PDK1: variants seen among roughly 807,000 people sequenced by gnomAD.
PDK1 encodes the protein [Pyruvate dehydrogenase (acetyl-transferring)] kinase isozyme 1, mitochondrial.
A neutral mutation model predicts 54.2 loss-of-function variants in PDK1; 39 were observed. The observed-to-expected ratio is 0.72, with a 90% CI of 0.56 to 0.94. The LOEUF (loss-of-function observed/expected upper bound fraction) is 0.94, where lower values mean the gene tolerates loss of function less well. Ranked by LOEUF, PDK1 falls within the 40% of genes least tolerant of loss-of-function variation. The probability of loss-of-function intolerance (pLI) is 0.00; values close to 1 mark genes in which losing one functional copy is unlikely to be tolerated. For synonymous variants in PDK1, 221 were observed against 207.1 expected (o/e 1.07, Z -0.58); for missense variants, 552 against 566.0 (o/e 0.98, Z 0.25).
the PDK1 span, among the ~76,000 whole-genome samples, chr2:172,702,950 T>C: frequency 6.6e-6 from 1 of 152,108 alleles, no homozygotes; most frequent in Non-Finnish European, 1.5e-5. Context: ...AAAATATCAG[T>C]TCCTAATTCC....
intron 3 of PDK1, chr2:172,562,906 A>G (rs190617662): frequency 8.7e-4 from 867 of 996,152 alleles, no homozygotes; most frequent in Non-Finnish European, 1.0e-3. Context: ...CTGAGAGTGT[A>G]ATGACCATCT....
chr2:172,565,133 C>A, intron 5 of PDK1, 60 bp downstream of exon 5: 1 of 1,000,418 alleles, frequency 1.0e-6, no homozygotes. Context: ...ATTGTTATTT[C>A]TTACTATTAA....
In PDK1 at chr2:172,596,230, G is replaced by C. The variant is rs1690885427; in HGVS notation, c.*261G>C. On this transcript the variant is annotated 3_prime_UTR_variant, in exon 11 of 11. Coordinates refer to ENST00000282077, the MANE Select transcript of PDK1 (RefSeq NM_002610.5). ...GTTTTGGGCAACTTTTCACTTTGTG[G>C]TAGACTTCAGAAGTGTGGAAATCTT... 1 of 283,454 alleles carries C rather than the reference G, an allele frequency of 3.5e-6. No individual in the cohort carries two copies. The highest frequency in any genetic ancestry group is 6.6e-6 in the Non-Finnish European group (1 of 151,208). 17.6% of individuals were successfully genotyped at this position (283,454 alleles called of 1,614,324 possible). A position where few individuals can be genotyped will look rare whatever the true frequency, so the allele number is the denominator to read the frequency against.
At chr2:172,568,256 A>C (rs1321657205) in intron 6 of PDK1, among the ~76,000 whole-genome samples, 1 of 149,370 alleles carries the variant, frequency 6.7e-6, no homozygotes, top group African/African-American at 2.5e-5. Context: ...TGAACCTGGG[A>C]AGTGGAGGTT....
intron 8 of PDK1, among the ~76,000 whole-genome samples, chr2:172,572,452 C>T (rs1451103967): frequency 2.0e-5 from 3 of 152,204 alleles, no homozygotes; most frequent in African/African-American, 7.2e-5. Flanking sequence ...CCGTCAGGCA[C>T]AGCAGCTCAT....
intron 8 of PDK1, among the ~76,000 whole-genome samples, chr2:172,579,525 CTTT>C (rs10660737): frequency 3.3e-5 from 4 of 122,548 alleles, no homozygotes; most frequent in Non-Finnish European, 6.7e-5. Flanking sequence ...CCCGCTCTTT[CTTT>C]TTTTTTTTTT....
At chr2:172,590,557 G>A (rs895037846) in intron 9 of PDK1, among the ~76,000 whole-genome samples, 1 of 152,144 alleles carries the variant, frequency 6.6e-6, no homozygotes, top group East Asian at 1.9e-4. Flanking sequence ...TCATGGTCTC[G>A]CTGACTTCAG....
the PDK1 span, among the ~76,000 whole-genome samples, chr2:172,693,954 C>T: frequency 2.0e-3 from 312 of 152,330 alleles, 4 homozygotes; most frequent in Non-Finnish European, 3.4e-3. Flanking sequence ...GTGCTCTCCC[C>T]AGCAAGCCTC....
the PDK1 span, among the ~76,000 whole-genome samples, chr2:172,693,385 T>C: frequency 6.6e-6 from 1 of 152,210 alleles, no homozygotes; most frequent in African/African-American, 2.4e-5. Context: ...GGCTTTGCCA[T>C]TTACTGGGGG....
chr2:172,660,241 C>CTTTT, the PDK1 span, among the ~76,000 whole-genome samples: 1 of 46,100 alleles, frequency 2.2e-5, no homozygotes, highest in African/African-American at 7.4e-5. Context: ...TTCTCTCTCT[C>CTTTT]TCTCTCTTTT....
At chr2:172,592,403 CTT>C (rs1459112796) in intron 9 of PDK1, among the ~76,000 whole-genome samples, 1 of 151,986 alleles carries the variant, frequency 6.6e-6, no homozygotes, top group Non-Finnish European at 1.5e-5. Flanking sequence ...CTGACTCCCT[CTT>C]TGTCCCTGTC....
the PDK1 span, among the ~76,000 whole-genome samples, chr2:172,622,365 A>C: frequency 2.1e-5 from 3 of 140,940 alleles, no homozygotes; most frequent in Admixed American, 7.4e-5. Flanking sequence ...ATATGTTTAT[A>C]TCATATATTA....
At chr2:172,706,325 G>T in the PDK1 span, among the ~76,000 whole-genome samples, 1 of 150,330 alleles carries the variant, frequency 6.7e-6, no homozygotes, top group East Asian at 1.9e-4. Flanking sequence ...GTTTGTAATT[G>T]CTTATTGTAA....
chr2:172,677,896 C>T, the PDK1 span, among the ~76,000 whole-genome samples: 5 of 152,134 alleles, frequency 3.3e-5, no homozygotes, highest in Admixed American at 2.6e-4. Flanking sequence ...AGGCCGGGTG[C>T]GGTAGCTCAC....
chr2:172,717,863 G>C, the PDK1 span, among the ~76,000 whole-genome samples: 1 of 152,198 alleles, frequency 6.6e-6, no homozygotes, highest in Non-Finnish European at 1.5e-5. Flanking sequence ...CTGGCCTCTA[G>C]TAGGTGGGAG....
At chr2:172,663,134 A>G in the PDK1 span, among the ~76,000 whole-genome samples, 4 of 152,218 alleles carry the variant, frequency 2.6e-5, no homozygotes, top group Admixed American at 2.0e-4. Flanking sequence ...AGGTCAAAGT[A>G]TCAACAGGCT....
In PDK1 at chr2:172,558,634, A is replaced by C. The variant is rs954157011; in HGVS notation, c.197-74A>C. ...GGCCTTGCCGGATAACTTCCTCTCTATTTCTCTCAGCCTCTTGCCTTCTGT... is the reference window on the plus strand; with the variant it reads ...GGCCTTGCCGGATAACTTCCTCTCTCTTTCTCTCAGCCTCTTGCCTTCTGT... On this transcript the variant is annotated intron_variant, in intron 1 of 10. Transcript: ENST00000282077. 39 of 1,341,662 alleles carry C rather than the reference A, an allele frequency of 2.9e-5. No homozygotes were observed. In the South Asian group the frequency reaches 3.9e-4, roughly 13 times the overall value. The allele number at this position is 1,341,662 out of a possible 1,614,324, so 83.1% of individuals were successfully genotyped here.
chr2:172,676,122 C>T, the PDK1 span, among the ~76,000 whole-genome samples: 1 of 152,132 alleles, frequency 6.6e-6, no homozygotes, highest in Non-Finnish European at 1.5e-5. Context: ...AATATTACTA[C>T]TGATTGACAG....
At chr2:172,594,228 C>T (rs1690768576) in intron 10 of PDK1, among the ~76,000 whole-genome samples, 1 of 152,008 alleles carries the variant, frequency 6.6e-6, no homozygotes, top group South Asian at 2.1e-4. Context: ...TTTGACCACG[C>T]TGGCTAGGCT....
Sources: gnomAD v4.1 joint callset for allele counts (sites outside exome capture counted in the v4.1 genomes callset) on GRCh38, gnomAD v4.1.1 for gene constraint, MANE v1.5 for transcripts, NCBI Gene and HGNC (gene_info 2026-07-23, HGNC 2026-07-21) for gene names.